The following ADGRE2 variants were observed in gnomAD, a reference collection of about 807,000 sequenced individuals.
The protein encoded by ADGRE2 is adhesion G protein-coupled receptor E2.
ADGRE2 carries 83 observed loss-of-function variants against 100.8 expected under a neutral mutation model. That is an observed-to-expected ratio of 0.82 (90% confidence interval 0.69 to 0.99). The LOEUF (loss-of-function observed/expected upper bound fraction) is 0.99, where lower values mean the gene tolerates loss of function less well. ADGRE2 is among the 50% of genes least tolerant of loss of function. The pLI, the probability that ADGRE2 is intolerant of heterozygous loss-of-function variation, is 0.00. For synonymous variants in ADGRE2, 355 were observed against 413.0 expected (o/e 0.86, Z 1.70); for missense variants, 814 against 1,035.7 (o/e 0.79, Z 2.94).
At position 14,752,337 on chromosome 19, in the gene ADGRE2, C is replaced by T. The variant is rs148074899; in HGVS notation, c.1780G>A (p.Gly594Arg). ...LLFLVAIDQT[G>R]HKVLCSIIAG... ...AACACCGCTGTCAATACCTTGTGTC[C>T]GGTTTGATCAATTGCCACGAGGAAG... Residue 594 changes from glycine to arginine, a missense_variant, in exon 15 of 21, where the codon GGA becomes AGA. Physicochemically the swap from Gly to Arg is moderately radical, Grantham distance 125. This residue lies in a region of ADGRE2 where 569 missense variants were observed against 692.7 expected (regional missense o/e 0.82). Coordinates refer to ENST00000315576, the MANE Select transcript of ADGRE2 (RefSeq NM_013447.4). The T allele has an allele frequency of 1.4e-5, 23 of 1,613,930 alleles. No individual in the cohort carries two copies. Among genetic ancestry groups the T allele is most frequent in the South Asian group, 2.2e-5 (2 of 91,088 alleles).
chr19:14,729,801 C>T (rs76250706), downstream of ADGRE2, among the ~76,000 whole-genome samples: 7 of 152,248 alleles, frequency 4.6e-5, no homozygotes, highest in South Asian at 4.1e-4. Context: ...CTATATGAGA[C>T]GAGGCATACA....
intron 16 of ADGRE2, among the ~76,000 whole-genome samples, chr19:14,751,227 C>T (rs571216034): frequency 3.3e-5 from 5 of 152,182 alleles, no homozygotes; most frequent in South Asian, 2.1e-4. Flanking sequence ...AGAAAATTTC[C>T]GAAAACCCTC....
chr19:14,728,763 A>C (rs1226901024), downstream of ADGRE2, among the ~76,000 whole-genome samples: 1 of 152,248 alleles, frequency 6.6e-6, no homozygotes, highest in Non-Finnish European at 1.5e-5. Flanking sequence ...TGAAACCAGC[A>C]CTGAGGCAAA....
In ADGRE2 at chr19:14,766,987, G is replaced by C. The variant is rs12976472; in HGVS notation, c.478C>G (p.Leu160Val). 164,808 of 886,388 alleles carry C rather than the reference G, an allele frequency of 0.19. 62,992 individuals are homozygous for C. The highest frequency in any genetic ancestry group is 0.47 in the African/African-American group (18,835 of 39,996). 54.9% of individuals were successfully genotyped at this position (886,388 alleles called of 1,614,324 possible). A position where few individuals can be genotyped will look rare whatever the true frequency, so the allele number is the denominator to read the frequency against. Residue 160 changes from leucine to valine, a missense_variant, in exon 6 of 21, where the codon CTC becomes GTC. By Grantham distance (32) the Leu-to-Val change is conservative. Around this residue, in one of 5 missense-constraint regions of ADGRE2, gnomAD observed 69 missense variants for 75.3 expected, o/e 0.92. Coordinates refer to ENST00000315576, the MANE Select transcript of ADGRE2 (RefSeq NM_013447.4). ...GFKLKPEDPK[L>V]CTDVNECTSG... Reference sequence around the variant, plus strand: ...TTCCTGGGGCCTCTACCTGTGCAGAGCTTCGGGTCCTCAGGTTTGAGCTTG... The same window carrying C: ...TTCCTGGGGCCTCTACCTGTGCAGACCTTCGGGTCCTCAGGTTTGAGCTTG...
intron 18 of ADGRE2, among the ~76,000 whole-genome samples, chr19:14,744,117 G>T (rs183974741): frequency 7.9e-5 from 12 of 151,768 alleles, no homozygotes; most frequent in African/African-American, 2.9e-4. Context: ...TCGGGGGGGC[G>T]CCTGTAATCC....
the ADGRE2 span, among the ~76,000 whole-genome samples, chr19:14,727,216 G>C: frequency 2.6e-5 from 4 of 151,956 alleles, no homozygotes; most frequent in Non-Finnish European, 4.4e-5. Flanking sequence ...TTTTAGTAGA[G>C]ACAGGGTTTC....
At chr19:14,777,395 C>T (rs1378725185) in intron 1 of ADGRE2, among the ~76,000 whole-genome samples, 2 of 152,160 alleles carry the variant, frequency 1.3e-5, no homozygotes, top group Non-Finnish European at 2.9e-5. Flanking sequence ...TCTGGGAGGG[C>T]GAGGCAGGAG....
intron 5 of ADGRE2, 154 bp downstream of exon 5, chr19:14,772,188 G>T: frequency 9.1e-7 from 1 of 1,093,994 alleles, no homozygotes; most frequent in Non-Finnish European, 1.3e-6. Flanking sequence ...TGCCTCTCTG[G>T]GCTGGCGAAA....
chr19:14,765,180 C>A (rs1298998886), intron 10 of ADGRE2, 140 bp downstream of exon 10: 40 of 844,392 alleles, frequency 4.7e-5, no homozygotes, highest in Non-Finnish European at 7.6e-5. Flanking sequence ...TTAGCTTCCA[C>A]CAGCCCTGAA....
chr19:14,765,267 T>TGGGATGCAGC, intron 10 of ADGRE2, 53 bp downstream of exon 10: 1 of 1,601,078 alleles, frequency 6.2e-7, no homozygotes, highest in Non-Finnish European at 8.6e-7. Flanking sequence ...CAGGCCTCTG[T>TGGGATGCAGC]GGGATGCAGC....
intron 18 of ADGRE2, among the ~76,000 whole-genome samples, chr19:14,745,052 G>A (rs760219624): frequency 4.6e-5 from 7 of 151,918 alleles, no homozygotes; most frequent in African/African-American, 7.3e-5. Flanking sequence ...ACCACGCCCA[G>A]CTAATTTTTG....
chr19:14,751,382 G>A (rs1025635334), intron 16 of ADGRE2, 54 bp downstream of exon 16: 1 of 1,353,512 alleles, frequency 7.4e-7, no homozygotes, highest in Non-Finnish European at 1.1e-6. Context: ...CTAGGTTCTA[G>A]CAATGGCCAT....
At chr19:14,763,833 C>G (rs2043840632) in intron 11 of ADGRE2, among the ~76,000 whole-genome samples, 1 of 119,580 alleles carries the variant, frequency 8.4e-6, no homozygotes, top group African/African-American at 3.1e-5. Context: ...CTCTCCTCCT[C>G]CTTCTCTCCT....
At chr19:14,741,934 G>A (rs1357163070) in intron 20 of ADGRE2, 1 of 398,274 alleles carries the variant, frequency 2.5e-6, no homozygotes, top group African/African-American at 2.1e-5. Flanking sequence ...ATAAATGTTG[G>A]TTATTAGTCA....
intron 20 of ADGRE2, among the ~76,000 whole-genome samples, chr19:14,738,951 T>TTTCTA (rs1446094386): frequency 2.1e-5 from 3 of 141,382 alleles, no homozygotes; most frequent in Non-Finnish European, 4.5e-5. Flanking sequence ...AGACACACAT[T>TTTCTA]TTCTTTTCTT....
chr19:14,740,445 A>T (rs2042893642), intron 20 of ADGRE2, among the ~76,000 whole-genome samples: 1 of 151,806 alleles, frequency 6.6e-6, no homozygotes, highest in African/African-American at 2.4e-5. Flanking sequence ...AACATGGAGA[A>T]ATCCCGTCTC....
Position 14,733,028 on chromosome 19 carries a change from G to A in ADGRE2, c.*3208C>T, listed in dbSNP as rs1460393144. 1.3e-5 allele frequency: 2 copies of A among 152,214 alleles called. No homozygotes were observed. Among genetic ancestry groups the A allele is most frequent in the Non-Finnish European group, 2.9e-5 (2 of 68,074 alleles). The allele number at this position is 152,214 out of a possible 1,614,324, so 9.4% of individuals were successfully genotyped here. On this transcript the variant is annotated 3_prime_UTR_variant, in exon 21 of 21. Coordinates refer to ENST00000315576, the MANE Select transcript of ADGRE2 (RefSeq NM_013447.4). Reference sequence around the variant, plus strand: ...GGGACCCACATGTTCCAAGCCTCCAGCTGTGTGTTCTGCTTCCTCAAGCAG... The same window carrying A: ...GGGACCCACATGTTCCAAGCCTCCAACTGTGTGTTCTGCTTCCTCAAGCAG...
chr19:14,760,284 T>G (rs1481139940), intron 11 of ADGRE2, among the ~76,000 whole-genome samples: 2 of 152,124 alleles, frequency 1.3e-5, no homozygotes, highest in Non-Finnish European at 2.9e-5. Flanking sequence ...CGTTACACAT[T>G]CTAGGCAAGC....
At position 14,756,222 on chromosome 19, in the gene ADGRE2, C is replaced by A; in HGVS notation, c.1192+16G>T. 6.4e-7 allele frequency: 1 copy of A among 1,563,282 alleles called. No individual in the cohort carries two copies. Among genetic ancestry groups the A allele is most frequent in the Non-Finnish European group, 8.8e-7 (1 of 1,133,784 alleles). On this transcript the variant is annotated intron_variant, in intron 12 of 20. Transcript: ENST00000315576. ...CCATGAAGCTTCACTGACCACCTCCCCATCTCAGCCATTACCTGGGTCACC... is the reference window on the plus strand; with the variant it reads ...CCATGAAGCTTCACTGACCACCTCCACATCTCAGCCATTACCTGGGTCACC...
Sources: gnomAD v4.1 joint callset for allele counts (sites outside exome capture counted in the v4.1 genomes callset) on GRCh38, gnomAD v4.1.1 for gene constraint, gnomAD v4.1.1 regional missense constraint, MANE v1.5 for transcripts, NCBI Gene and HGNC (gene_info 2026-07-23, HGNC 2026-07-21) for gene names.